Variants in NLGN4X observed in about 807,000 individuals in gnomAD.
The protein encoded by NLGN4X is neuroligin 4 X-linked, also known as neuroligin-4, X-linked.
NLGN4X carries 3 observed loss-of-function variants against 40.3 expected under a neutral mutation model. That is an observed-to-expected ratio of 0.07 (90% confidence interval 0.03 to 0.19). NLGN4X has a LOEUF of 0.19. Among genes scored for constraint, NLGN4X ranks in the 10% least tolerant of loss-of-function variants. The pLI is 1.00. For missense variants in NLGN4X, 382 were observed against 708.3 expected, an observed-to-expected ratio of 0.54 and a Z score of 5.23; for synonymous variants, 270 against 306.8, an observed-to-expected ratio of 0.88 and a Z score of 1.25.
At chrX:6,179,532 A>G (rs1921200745) in intron 1 of NLGN4X, among the ~76,000 whole-genome samples, 2 of 112,021 alleles carry the variant, frequency 1.8e-5, no homozygotes, top group African/African-American at 6.5e-5. Context: ...TATAATTTTG[A>G]TGGAATTCCT....
At chrX:6,213,580 T>C (rs1180235601) in intron 1 of NLGN4X, among the ~76,000 whole-genome samples, 3 of 112,583 alleles carry the variant, frequency 2.7e-5, no homozygotes, top group African/African-American at 9.7e-5. Flanking sequence ...GTACTATCTT[T>C]GCAACCTTTC....
intron 2 of NLGN4X, among the ~76,000 whole-genome samples, chrX:6,080,943 T>C (rs911513688): frequency 1.8e-5 from 2 of 109,876 alleles, no homozygotes; most frequent in Non-Finnish European, 3.8e-5. Context: ...AGGCAATCCT[T>C]CTGCTTCAGC....
intron 3 of NLGN4X, among the ~76,000 whole-genome samples, chrX:5,918,883 A>G (rs1271198695): frequency 8.9e-6 from 1 of 112,000 alleles, no homozygotes; most frequent in Non-Finnish European, 1.9e-5. Flanking sequence ...TTCACTAAGC[A>G]GGAGGGATGT....
chrX:5,905,273 C>T (rs905169633), intron 4 of NLGN4X, among the ~76,000 whole-genome samples: 1 of 111,152 alleles, frequency 9.0e-6, no homozygotes, highest in African/African-American at 3.3e-5. Flanking sequence ...TAACAGAACT[C>T]CTGATAAGAC....
At chrX:6,075,839 C>A (rs1237260384) in intron 2 of NLGN4X, among the ~76,000 whole-genome samples, 1 of 111,673 alleles carries the variant, frequency 9.0e-6, no homozygotes, top group Non-Finnish European at 1.9e-5. Context: ...GTACAGCCTG[C>A]AGAATCATAG....
intron 3 of NLGN4X, among the ~76,000 whole-genome samples, chrX:5,918,096 G>C (rs747316862): frequency 9.0e-6 from 1 of 111,014 alleles, no homozygotes; most frequent in East Asian, 2.8e-4. Flanking sequence ...AAATCTGGGG[G>C]AAAATGATGC....
chrX:6,133,057 G>A (rs749842239), intron 2 of NLGN4X, among the ~76,000 whole-genome samples: 34 of 111,172 alleles, frequency 3.1e-4, no homozygotes, highest in Admixed American at 2.9e-3. Flanking sequence ...CATTATTATC[G>A]CCATAAATTA....
In NLGN4X at chrX:5,903,145, G is replaced by A. The variant is rs9785599; in HGVS notation, c.1533C>T (p.Asn511=). Residue 511 remains asparagine (N), a synonymous_variant, in exon 5 of 6, where the codon AAC becomes AAT. Coordinates refer to ENST00000381095, the MANE Select transcript of NLGN4X (RefSeq NM_181332.3). Reference sequence around the variant, plus strand: ...TGAGCATGACGTCGTTCTTGGAAAAGTTACAACTGAAGAGCTCGGTGGGAC... The same window carrying A: ...TGAGCATGACGTCGTTCTTGGAAAAATTACAACTGAAGAGCTCGGTGGGAC... ...MIGPTELFSC[N]FSKNDVMLSA... 1.6e-6 allele frequency: 2 copies of A among 1,212,177 alleles called. No individual in the cohort carries two copies. The highest frequency in any genetic ancestry group is 2.2e-6 in the Non-Finnish European group (2 of 895,628).
chrX:5,957,292 G>A lies in NLGN4X; in HGVS notation c.626-48053C>T, dbSNP rs1462720319. Among the ~76,000 whole-genome samples, 4 of 111,203 alleles carry A rather than the reference G, an allele frequency of 3.6e-5. No individual in the cohort carries two copies. The Admixed American group carries it at 3.9e-4, about 11-fold the overall frequency. ...CCTCCTTTCCCCGACTGCTTTATTT[G>A]GGACAGTCCACTCCTCCTGTATCAA... On this transcript the variant is annotated intron_variant, in intron 3 of 5. Transcript: ENST00000381095.
chrX:6,133,147 AACC>A (rs1215356012), intron 2 of NLGN4X, among the ~76,000 whole-genome samples: 1 of 86,313 alleles, frequency 1.2e-5, no homozygotes, highest in South Asian at 5.9e-4. Flanking sequence ...TCATCACGAT[AACC>A]ACCATCATCA....
At position 5,903,707 on chromosome X, in the gene NLGN4X, T is replaced by C. The variant is rs750826324; in HGVS notation, c.971A>G (p.Lys324Arg). The C allele has an allele frequency of 1.4e-5, 17 of 1,209,863 alleles. No homozygotes were observed. In the African/African-American group the frequency reaches 3.0e-4, roughly 21 times the overall value. Residue 324 changes from lysine to arginine, a missense_variant, in exon 5 of 6, where the codon AAG (lysine) becomes AGG (arginine). Lys to Arg is a conservative substitution (Grantham distance 26). This residue lies in a region of NLGN4X where 29 missense variants were observed against 32.1 expected (regional missense o/e 0.90). Coordinates refer to ENST00000381095, the MANE Select transcript of NLGN4X (RefSeq NM_181332.3). ...GGTGATGGTCTGCTGGATGAGCTCC[T>C]TGTAGTTCTTGTTCCGCAGGCATTC... ...MVECLRNKNYKELIQQTITPA... is the reference protein window; with the variant it reads ...MVECLRNKNYRELIQQTITPA...
Position 6,206,150 on chromosome X carries a change from G to A in NLGN4X, c.-306+22391C>T, listed in dbSNP as rs531249049. Among the ~76,000 whole-genome samples, 4 of 111,378 alleles carry A rather than the reference G, an allele frequency of 3.6e-5. No individual in the cohort carries two copies. In the South Asian group the frequency reaches 1.5e-3, roughly 43 times the overall value. On this transcript the variant is annotated intron_variant, in intron 1 of 5. Transcript: ENST00000381095. ...ACCCCCCACTCCACAATGTGTTGAT[G>A]CAGTGACATGGAGCAGTGGAGTCTC...
chrX:6,027,331 A>C, intron 3 of NLGN4X, among the ~76,000 whole-genome samples: 2 of 112,658 alleles, frequency 1.8e-5, no homozygotes, highest in Non-Finnish European at 3.7e-5. Context: ...ACTGCTATGC[A>C]AAAGTTCAGA....
intron 1 of NLGN4X, among the ~76,000 whole-genome samples, chrX:6,174,257 T>TC (rs2040673761): frequency 9.2e-6 from 1 of 109,024 alleles, no homozygotes; most frequent in Non-Finnish European, 1.9e-5. Flanking sequence ...CATTAAATAG[T>TC]CAAAAAAAAA....
intron 2 of NLGN4X, among the ~76,000 whole-genome samples, chrX:6,033,151 C>T (rs1181297586): frequency 8.9e-6 from 1 of 111,850 alleles, no homozygotes; most frequent in Non-Finnish European, 1.9e-5. Context: ...CAATGGTCCT[C>T]TGATGTTAAC....
intron 2 of NLGN4X, among the ~76,000 whole-genome samples, chrX:6,115,003 A>G (rs1218274759): frequency 8.9e-6 from 1 of 112,567 alleles, no homozygotes; most frequent in East Asian, 2.8e-4. Flanking sequence ...TTCATGTTCT[A>G]AAGTGGATCT....
intron 1 of NLGN4X, among the ~76,000 whole-genome samples, chrX:6,157,550 G>A (rs1398367329): frequency 9.0e-6 from 1 of 111,560 alleles, no homozygotes; most frequent in East Asian, 2.8e-4. Context: ...AGCTTGGGGG[G>A]CTTATAAACC....
intron 3 of NLGN4X, among the ~76,000 whole-genome samples, chrX:5,923,924 G>C (rs1456534530): frequency 4.5e-5 from 5 of 111,467 alleles, no homozygotes; most frequent in African/African-American, 9.8e-5. Context: ...TGTTGACCAG[G>C]ACACCTAAAT....
intron 3 of NLGN4X, among the ~76,000 whole-genome samples, chrX:5,927,729 T>C (rs2033388909): frequency 8.9e-6 from 1 of 112,452 alleles, no homozygotes; most frequent in Admixed American, 9.4e-5. Flanking sequence ...GGATTTTACC[T>C]GGGTTTCAGC....
Sources: gnomAD v4.1 joint callset for allele counts (sites outside exome capture counted in the v4.1 genomes callset) on GRCh38, gnomAD v4.1.1 for gene constraint, gnomAD v4.1.1 regional missense constraint, MANE v1.5 for transcripts, NCBI Gene and HGNC (gene_info 2026-07-23, HGNC 2026-07-21) for gene names.